ANKRD12: variants seen among roughly 807,000 people sequenced by gnomAD.
ANKRD12 encodes ankyrin repeat domain 12, also known as ankyrin repeat domain-containing protein 12.
A neutral mutation model predicts 183.4 loss-of-function variants in ANKRD12; 85 were observed. The ratio of observed to expected loss-of-function variants is 0.46; its 90% CI spans 0.39 to 0.56. ANKRD12 has a LOEUF of 0.56. Ranked by LOEUF, ANKRD12 falls within the 20% of genes least tolerant of loss-of-function variation. The pLI is 0.00. For synonymous variants in ANKRD12, 914 were observed against 800.2 expected, an observed-to-expected ratio of 1.14 and a Z score of -2.40; for missense variants, 2,405 against 2,357.1, an observed-to-expected ratio of 1.02 and a Z score of -0.42.
chr18:9,265,369 A>AC (rs1422476987), intron 10 of ANKRD12, among the ~76,000 whole-genome samples: 6 of 151,968 alleles, frequency 3.9e-5, no homozygotes, highest in Admixed American at 6.5e-5. Context: ...ACTGGGAGGC[A>AC]CCCCCCCAGT....
chr18:9,196,189 TACACACAC>T (rs34220366), intron 3 of ANKRD12, among the ~76,000 whole-genome samples: 137 of 51,606 alleles, frequency 2.7e-3, no homozygotes, highest in African/African-American at 5.3e-3. Flanking sequence ...ATAGAATTTT[TACACACAC>T]ACACACACAC....
rs1598802260 is a variant in ANKRD12, at chr18:9,282,588, C to G, written c.*1462C>G. On this transcript the variant is annotated 3_prime_UTR_variant, in exon 13 of 13. Transcript: ENST00000262126. Reference sequence around the variant, plus strand: ...TTGAAAGGAAAATTAGGTTAGCGTACAATTTATCATAAATATATGAGGTAA... The same window carrying G: ...TTGAAAGGAAAATTAGGTTAGCGTAGAATTTATCATAAATATATGAGGTAA... The G allele has an allele frequency of 6.6e-6, 1 of 152,416 alleles. No homozygotes were observed. 9.4% of individuals were successfully genotyped at this position (152,416 alleles called of 1,614,324 possible).
In ANKRD12 at chr18:9,216,913, G is replaced by GA. The variant is rs2036137995; in HGVS notation, c.795+20dup. ...TGGGCACAGAGATGTAAGTATGATA[G>GA]AAAAAAATCAATAATACACATTTGC... On this transcript the variant is annotated intron_variant, in intron 7 of 12. Transcript: ENST00000262126. 3.7e-6 allele frequency: 6 copies of GA among 1,604,124 alleles called. No individual in the cohort carries two copies. The highest frequency in any genetic ancestry group is 1.1e-5 in the South Asian group (1 of 88,634).
At chr18:9,272,389 C>T (rs1598772475) in intron 10 of ANKRD12, among the ~76,000 whole-genome samples, 1 of 151,874 alleles carries the variant, frequency 6.6e-6, no homozygotes, top group African/African-American at 2.4e-5. Context: ...CTGGTGAAAT[C>T]GCATCTCTAC....
chr18:9,152,535 T>A (rs906559567), intron 1 of ANKRD12, among the ~76,000 whole-genome samples: 1 of 152,096 alleles, frequency 6.6e-6, no homozygotes, highest in Non-Finnish European at 1.5e-5. Context: ...TGGTCTGCTT[T>A]TTTTTTTAAA....
At chr18:9,138,654 A>G (rs1374312885) in intron 1 of ANKRD12, among the ~76,000 whole-genome samples, 1 of 152,252 alleles carries the variant, frequency 6.6e-6, no homozygotes, top group Non-Finnish European at 1.5e-5. Context: ...CTGGCAGAAC[A>G]TATGCTCTAT....
chr18:9,180,900 C>T (rs1345197050), intron 1 of ANKRD12, among the ~76,000 whole-genome samples: 1 of 152,200 alleles, frequency 6.6e-6, no homozygotes, highest in African/African-American at 2.4e-5. Context: ...ATTGTTTTAT[C>T]TTCATAGTCT....
intron 3 of ANKRD12, among the ~76,000 whole-genome samples, chr18:9,198,649 A>C (rs1023099779): frequency 1.3e-5 from 2 of 152,110 alleles, no homozygotes; most frequent in African/African-American, 4.8e-5. Context: ...TCCTGGGTTC[A>C]AGTGATTCTC....
At chr18:9,196,941 T>C (rs968002171) in intron 3 of ANKRD12, among the ~76,000 whole-genome samples, 3 of 152,196 alleles carry the variant, frequency 2.0e-5, no homozygotes, top group African/African-American at 7.2e-5. Context: ...TTGGGATAGC[T>C]ATTTCAGATT....
rs556043930 is a variant in ANKRD12, at chr18:9,280,257, A to C, written c.6003+613A>C. Among the ~76,000 whole-genome samples, 37 of 152,228 alleles carry C rather than the reference A, an allele frequency of 2.4e-4. No individual in the cohort carries two copies. The South Asian group carries it at 5.4e-3, about 22-fold the overall frequency. On this transcript the variant is annotated intron_variant, in intron 12 of 12. Transcript: ENST00000262126. ...TAGAACCCTCGCATGTGCAGTTCAC[A>C]ATAGGGTTTGAGCTGCTATGAGAAT... is the stretch of plus-strand genomic sequence containing the variant.
chr18:9,208,694 A>T lies in ANKRD12; in HGVS notation c.342A>T (p.Glu114Asp), dbSNP rs866962789. 1 of 1,610,814 alleles carries T rather than the reference A, an allele frequency of 6.2e-7. No individual in the cohort carries two copies. Among genetic ancestry groups the T allele is most frequent in the Non-Finnish European group, 8.5e-7 (1 of 1,178,786 alleles). ...EGPEKKKTKK[E>D]AGNKKSTPVS... The stretch of plus-strand genomic sequence containing the variant: ...CAGAAAAGAAGAAGACAAAAAAGGA[A>T]GCTGGAAATAAGAAATCCACACCAG... The change falls in exon 5 of 13, where the codon GAA becomes GAT. Residue 114 changes from glutamate (E) to aspartate (D), a missense_variant. Glu to Asp is a conservative substitution (Grantham distance 45). Around this residue, in one of 7 missense-constraint regions of ANKRD12, gnomAD observed 145 missense variants for 145.6 expected, o/e 1.00. Coordinates refer to ENST00000262126, the MANE Select transcript of ANKRD12 (RefSeq NM_015208.5).
chr18:9,205,196 C>T (rs1265360635), intron 4 of ANKRD12, among the ~76,000 whole-genome samples: 2 of 152,206 alleles, frequency 1.3e-5, no homozygotes, highest in East Asian at 1.9e-4. Context: ...TATACAAGTA[C>T]TGTGTCCTCT....
chr18:9,176,354 G>A (rs551719758), intron 1 of ANKRD12, among the ~76,000 whole-genome samples: 4 of 152,064 alleles, frequency 2.6e-5, no homozygotes, highest in Non-Finnish European at 4.4e-5. Context: ...TGCAGTGTGC[G>A]ACCTCACCTT....
intron 9 of ANKRD12, 58 bp downstream of exon 9, chr18:9,258,989 C>G: frequency 4.7e-6 from 7 of 1,490,186 alleles, no homozygotes; most frequent in South Asian, 2.9e-5. Context: ...AAGTATAATG[C>G]TAGCCACATA....
At chr18:9,233,230 A>G (rs1267357260) in intron 8 of ANKRD12, among the ~76,000 whole-genome samples, 1 of 151,196 alleles carries the variant, frequency 6.6e-6, no homozygotes, top group African/African-American at 2.4e-5. Flanking sequence ...TGTATTTTGT[A>G]TTTCATTCAA....
Position 9,275,573 on chromosome 18 carries a change from G to A in ANKRD12, c.5813G>A (p.Arg1938Lys). 6.2e-7 allele frequency: 1 copy of A among 1,612,008 alleles called. No homozygotes were observed. ...NEQEVLRVHY[R>K]AARTLANQTL... is the part of the protein sequence containing the mutation. ...CAAGAAGTTTTGCGAGTTCATTACA[G>A]AGCTGCAAGAACATTGGCAAATCAA... is the stretch of plus-strand genomic sequence containing the variant. Residue 1938 changes from arginine to lysine, a missense_variant, in exon 11 of 13, where the codon AGA (arginine) becomes AAA (lysine). Physicochemically the swap from Arg to Lys is conservative, Grantham distance 26. Transcript: ENST00000262126.
intron 1 of ANKRD12, among the ~76,000 whole-genome samples, chr18:9,147,873 C>G (rs780716562): frequency 7.2e-5 from 11 of 152,122 alleles, no homozygotes; most frequent in Non-Finnish European, 1.3e-4. Context: ...TTTCACTGTA[C>G]TTACTCTGTG....
intron 7 of ANKRD12, among the ~76,000 whole-genome samples, chr18:9,219,709 CAAG>C (rs1275066344): frequency 1.6e-5 from 2 of 124,472 alleles, no homozygotes; most frequent in African/African-American, 6.2e-5. Flanking sequence ...TTAAAAGAGA[CAAG>C]AAAATTGAAA....
chr18:9,216,032 T>TA (rs398031958), intron 6 of ANKRD12, among the ~76,000 whole-genome samples: 11 of 150,348 alleles, frequency 7.3e-5, no homozygotes, highest in South Asian at 2.1e-4. Flanking sequence ...TTTTTTTTTT[T>TA]AAACACCAAT....
Sources: allele counts gnomAD v4.1 joint callset (sites outside exome capture counted in the v4.1 genomes callset), GRCh38; gene constraint gnomAD v4.1.1; regional missense constraint gnomAD v4.1.1; transcripts MANE v1.5; gene names NCBI Gene and HGNC (gene_info 2026-07-23, HGNC 2026-07-21).